Variants in PTPN21 observed in about 807,000 individuals in gnomAD.
The protein encoded by PTPN21 is tyrosine-protein phosphatase non-receptor type 21.
Under a neutral mutation model 131.8 loss-of-function variants are expected in PTPN21, and 77 were observed. The ratio of observed to expected loss-of-function variants is 0.58; its 90% CI spans 0.49 to 0.71. PTPN21 has a LOEUF of 0.71. PTPN21 is among the 30% of genes least tolerant of loss of function. The probability of loss-of-function intolerance (pLI) is 0.00; values close to 1 mark genes in which losing one functional copy is unlikely to be tolerated. For missense variants in PTPN21, 1,552 were observed against 1,527.1 expected, an observed-to-expected ratio of 1.02 and a Z score of -0.27; for synonymous variants, 715 against 621.3, an observed-to-expected ratio of 1.15 and a Z score of -2.24.
chr14:88,474,166 A>G (rs926785451), intron 13 of PTPN21, among the ~76,000 whole-genome samples: 2 of 145,032 alleles, frequency 1.4e-5, no homozygotes, highest in Non-Finnish European at 3.0e-5. Context: ...CAAAAGCTTT[A>G]AATGCAATCA....
At chr14:88,493,209 G>A in intron 10 of PTPN21, 2 of 365,532 alleles carry the variant, frequency 5.5e-6, no homozygotes, top group Admixed American at 3.8e-5. Context: ...TTGACACAGA[G>A]CAAGCATTTA....
rs148677057 is a variant in PTPN21, at chr14:88,540,752, T to C, written c.180+9486A>G. Among the ~76,000 whole-genome samples the C allele has an allele frequency of 3.5e-3, 530 of 152,304 alleles. 4 individuals are homozygous for C. The highest frequency in any genetic ancestry group is 0.01 in the Middle Eastern group (3 of 294). On this transcript the variant is annotated intron_variant, in intron 2 of 18. Coordinates refer to ENST00000556564, the MANE Select transcript of PTPN21 (RefSeq NM_007039.4). The stretch of plus-strand genomic sequence containing the variant: ...ATCATGGCTCACTGCAGCCTTGCCT[T>C]CCTGGGTTCAAGTGATCCTCCCACC...
intron 6 of PTPN21, among the ~76,000 whole-genome samples, chr14:88,503,041 C>A (rs909898003): frequency 6.6e-6 from 1 of 150,636 alleles, no homozygotes; most frequent in African/African-American, 2.5e-5. Context: ...GTAGAGGTAA[C>A]TAAATCTTTT....
chr14:88,531,842 A>T (rs1595407254), intron 2 of PTPN21, among the ~76,000 whole-genome samples: 1 of 152,278 alleles, frequency 6.6e-6, no homozygotes, highest in Non-Finnish European at 1.5e-5. Flanking sequence ...AAAGGTAAAC[A>T]AAATTGATTG....
intron 13 of PTPN21, among the ~76,000 whole-genome samples, chr14:88,478,529 G>A (rs1240341197): frequency 6.6e-6 from 1 of 152,126 alleles, no homozygotes; most frequent in Admixed American, 6.5e-5. Flanking sequence ...CTAAACAAAT[G>A]CACCCCTGGG....
chr14:88,551,489 T>G (rs1334878776), intron 1 of PTPN21: 1 of 152,184 alleles, frequency 6.6e-6, no homozygotes, highest in Non-Finnish European at 1.5e-5. Flanking sequence ...GGCCAACCAG[T>G]AGACTCGGAG....
chr14:88,543,133 T>C (rs756378439), intron 2 of PTPN21, among the ~76,000 whole-genome samples: 9 of 152,186 alleles, frequency 5.9e-5, no homozygotes, highest in Non-Finnish European at 1.2e-4. Flanking sequence ...TAATTTAAAA[T>C]AAAACACTTT....
intron 2 of PTPN21, among the ~76,000 whole-genome samples, chr14:88,539,597 G>T (rs1344969522): frequency 6.6e-6 from 1 of 152,048 alleles, no homozygotes; most frequent in East Asian, 1.9e-4. Context: ...TCAACACTTG[G>T]ATTGCTTTTC....
chr14:88,475,732 T>C (rs928525702), intron 13 of PTPN21, among the ~76,000 whole-genome samples: 2 of 152,218 alleles, frequency 1.3e-5, no homozygotes, highest in African/African-American at 4.8e-5. Flanking sequence ...GTCACATCAA[T>C]TGGCTCACAA....
intron 1 of PTPN21, chr14:88,552,031 G>A (rs2078876636): frequency 6.6e-6 from 1 of 152,298 alleles, no homozygotes; most frequent in Non-Finnish European, 1.5e-5. Context: ...CGCTTAGCGA[G>A]ACCCAGCCAT....
intron 10 of PTPN21, among the ~76,000 whole-genome samples, chr14:88,486,489 G>C (rs968920101): frequency 1.3e-5 from 2 of 152,012 alleles, no homozygotes; most frequent in African/African-American, 4.8e-5. Context: ...GACCAGCCTA[G>C]ACAACATAGT....
chr14:88,552,858 C>CCAAG (rs1177452926), intron 1 of PTPN21, among the ~76,000 whole-genome samples: 1 of 152,024 alleles, frequency 6.6e-6, no homozygotes, highest in Non-Finnish European at 1.5e-5. Flanking sequence ...AATTGATAAA[C>CCAAG]CAAGAGTAAA....
rs188931005 is a variant in PTPN21 at position 88,537,345 on chromosome 14, T to C, written c.180+12893A>G. On this transcript the variant is annotated intron_variant, in intron 2 of 18. Transcript: ENST00000556564. ...GAGATTACTGTCCACATGGATGAAC[T>C]GCTTATCTCTTTTCTATTTACTATC... Among the ~76,000 whole-genome samples the C allele has an allele frequency of 3.8e-3, 578 of 152,310 alleles. 1 individual carries two copies. Among genetic ancestry groups the C allele is most frequent in the Non-Finnish European group, 5.5e-3 (371 of 68,026 alleles).
At chr14:88,542,902 G>A (rs2078726215) in intron 2 of PTPN21, among the ~76,000 whole-genome samples, 2 of 152,026 alleles carry the variant, frequency 1.3e-5, no homozygotes. Context: ...CTCTACCTCG[G>A]TCTTACTTGT....
intron 12 of PTPN21, among the ~76,000 whole-genome samples, chr14:88,480,566 G>A (rs1410026098): frequency 6.6e-6 from 1 of 152,120 alleles, no homozygotes; most frequent in Non-Finnish European, 1.5e-5. Flanking sequence ...CTTAAGGGGT[G>A]GCATTCATTG....
intron 3 of PTPN21, chr14:88,514,957 A>G (rs2078244342): frequency 6.6e-6 from 1 of 152,142 alleles, no homozygotes; most frequent in Admixed American, 6.5e-5. Flanking sequence ...ACCCCTCATA[A>G]TCTTTCTCTC....
In PTPN21 at chr14:88,468,390, T is replaced by A. The variant is rs763519427; in HGVS notation, c.3397-125A>T. On this transcript the variant is annotated intron_variant, in intron 18 of 18. Transcript: ENST00000556564. ...GGACAGTCTCTTTTCCACCTTAGCGTCTTCTAGAAATAAGCCATGATTGCC... is the reference window on the plus strand; with the variant it reads ...GGACAGTCTCTTTTCCACCTTAGCGACTTCTAGAAATAAGCCATGATTGCC... 6.1e-4 allele frequency: 573 copies of A among 941,602 alleles called. 3 individuals are homozygous for A. Among genetic ancestry groups the A allele is most frequent in the Non-Finnish European group, 4.0e-4 (258 of 648,104 alleles). The allele number at this position is 941,602 out of a possible 1,614,324, so 58.3% of individuals were successfully genotyped here.
intron 10 of PTPN21, among the ~76,000 whole-genome samples, chr14:88,492,683 C>T (rs1595365685): frequency 6.6e-6 from 1 of 152,230 alleles, no homozygotes; most frequent in African/African-American, 2.4e-5. Context: ...ACTTCCACAG[C>T]CTTTCTCCTT....
At chr14:88,535,086 C>T (rs1209091053) in intron 2 of PTPN21, among the ~76,000 whole-genome samples, 1 of 152,094 alleles carries the variant, frequency 6.6e-6, no homozygotes, top group East Asian at 1.9e-4. Context: ...ATTTTTACTG[C>T]ACCTTTTCTA....
Sources: gnomAD v4.1 joint callset for allele counts (sites outside exome capture counted in the v4.1 genomes callset) on GRCh38, gnomAD v4.1.1 for gene constraint, MANE v1.5 for transcripts, NCBI Gene and HGNC (gene_info 2026-07-23, HGNC 2026-07-21) for gene names.